The following ADAM19 variants were observed in gnomAD, a reference collection of about 807,000 sequenced individuals.
ADAM19 encodes ADAM metallopeptidase domain 19, also known as disintegrin and metalloproteinase domain-containing protein 19.
In ADAM19, 65 loss-of-function variants were observed where a neutral mutation model predicts 114.7. That is an observed-to-expected ratio of 0.57 (90% CI 0.46 to 0.70). The LOEUF (loss-of-function observed/expected upper bound fraction) is 0.70, where lower values mean the gene tolerates loss of function less well. Ranked by LOEUF, ADAM19 falls within the 30% of genes least tolerant of loss-of-function variation. The probability of loss-of-function intolerance (pLI) is 0.00; values close to 1 mark genes in which losing one functional copy is unlikely to be tolerated. For missense variants in ADAM19, 1,063 were observed against 1,204.7 expected, an observed-to-expected ratio of 0.88 and a Z score of 1.74; for synonymous variants, 466 against 460.5, an observed-to-expected ratio of 1.01 and a Z score of -0.15.
intron 14 of ADAM19, among the ~76,000 whole-genome samples, chr5:157,496,457 C>T (rs1581299418): frequency 1.3e-5 from 2 of 152,290 alleles, no homozygotes; most frequent in South Asian, 2.1e-4. Flanking sequence ...TGTTTCTTCA[C>T]ACCCTCCACA....
chr5:157,488,169 C>T, intron 21 of ADAM19, 96 bp downstream of exon 21: 1 of 1,284,586 alleles, frequency 7.8e-7, no homozygotes, highest in Non-Finnish European at 1.1e-6. Flanking sequence ...CAGCTCATGA[C>T]CCCACAAGTT....
chr5:157,530,706 A>G, intron 5 of ADAM19, 101 bp downstream of exon 5: 1 of 1,006,310 alleles, frequency 9.9e-7, no homozygotes, highest in South Asian at 1.4e-5. Context: ...CACATTCTCA[A>G]TGGACTCCTT....
rs754706085 is a variant in ADAM19, at chr5:157,575,678, C to A, written c.19G>T (p.Ala7Ser). MPGGAG[A>S]ARLCLLAFAL... ...AACGCCAGCAAGCAGAGCCGGGCGGCGCCTGCGCCCCCTGGCATGGTGGCG... is the reference window on the plus strand; with the variant it reads ...AACGCCAGCAAGCAGAGCCGGGCGGAGCCTGCGCCCCCTGGCATGGTGGCG... Residue 7 changes from alanine (A) to serine (S), a missense_variant, in exon 1 of 23, where the codon GCC becomes TCC. Physicochemically the swap from Ala to Ser is moderately conservative, Grantham distance 99. This residue lies in a region of ADAM19 where 615 missense variants were observed against 706.3 expected (regional missense o/e 0.87). Coordinates refer to ENST00000257527, the MANE Select transcript of ADAM19 (RefSeq NM_033274.5). 2.2e-6 allele frequency: 3 copies of A among 1,346,590 alleles called. No individual in the cohort carries two copies. Among genetic ancestry groups the A allele is most frequent in the South Asian group, 1.8e-5 (1 of 54,402 alleles). The allele number at this position is 1,346,590 out of a possible 1,614,324, so 83.4% of individuals were successfully genotyped here.
chr5:157,496,924 G>A lies in ADAM19; in HGVS notation c.1564C>T (p.Gln522Ter), dbSNP rs961802025. The A allele has an allele frequency of 1.3e-6, 2 of 1,594,442 alleles. No individual in the cohort carries two copies. The highest frequency in any genetic ancestry group is 8.5e-7 in the Non-Finnish European group (1 of 1,171,636). ...YCYNGMCLTY[Q>*]EQCQQLWGPG... ...CCCCACAGCTGCTGGCACTGCTCCT[G>A]GTAGGTGAGGCACATGCCGTTGTAG... Residue 522 changes from glutamine (Q) to a stop codon, truncating the protein, a stop_gained, in exon 14 of 23, where the codon CAG becomes TAG. Transcript: ENST00000257527. LOFTEE classifies it high-confidence loss of function.
Position 157,575,599 on chromosome 5 carries a change from T to G in ADAM19, c.94+4A>C. On this transcript the variant is annotated splice_donor_region_variant and intron_variant, in intron 1 of 22. Coordinates refer to ENST00000257527, the MANE Select transcript of ADAM19 (RefSeq NM_033274.5). The stretch of plus-strand genomic sequence containing the variant: ...CCTCCATCCCCCCGCGCCTGGCCAC[T>G]TACTTGTCCATCCAGGCTCCCGCGC... 1 of 1,463,096 alleles carries G rather than the reference T, an allele frequency of 6.8e-7. No individual in the cohort carries two copies. The highest frequency in any genetic ancestry group is 9.0e-7 in the Non-Finnish European group (1 of 1,113,712). 90.6% of individuals were successfully genotyped at this position (1,463,096 alleles called of 1,614,324 possible).
chr5:157,483,556 A>G (rs1425353136), intron 21 of ADAM19, among the ~76,000 whole-genome samples: 1 of 152,190 alleles, frequency 6.6e-6, no homozygotes, highest in East Asian at 1.9e-4. Context: ...TCTGTAACAG[A>G]AAAAAGGAAG....
chr5:157,505,050 C>T (rs1755696820), intron 11 of ADAM19, among the ~76,000 whole-genome samples: 1 of 146,260 alleles, frequency 6.8e-6, no homozygotes, highest in South Asian at 2.2e-4. Flanking sequence ...ACCTGGGAGG[C>T]AGAGCTTGCA....
intron 21 of ADAM19, among the ~76,000 whole-genome samples, chr5:157,482,160 T>A (rs892165143): frequency 6.6e-6 from 1 of 152,234 alleles, no homozygotes; most frequent in African/African-American, 2.4e-5. Flanking sequence ...CCAGTGAAGA[T>A]GATCTTTTTT....
intron 12 of ADAM19, among the ~76,000 whole-genome samples, chr5:157,499,965 G>A (rs1315099424): frequency 6.6e-6 from 1 of 150,800 alleles, no homozygotes; most frequent in Non-Finnish European, 1.5e-5. Context: ...TTTTAATAGC[G>A]ATTGGGTTTC....
chr5:157,546,301 T>C (rs751287841), intron 3 of ADAM19, among the ~76,000 whole-genome samples: 10 of 152,104 alleles, frequency 6.6e-5, no homozygotes, highest in Non-Finnish European at 1.3e-4. Context: ...AAGGGATGTA[T>C]ATGTGCACGC....
intron 3 of ADAM19, among the ~76,000 whole-genome samples, chr5:157,557,071 TTTGGTTGG>T (rs1757387220): frequency 6.6e-6 from 1 of 152,122 alleles, no homozygotes; most frequent in African/African-American, 2.4e-5. Context: ...TTTTTGTTTG[TTTGGTTGG>T]TTGGTTTTGG....
At chr5:157,520,473 T>C (rs181915188) in intron 5 of ADAM19, among the ~76,000 whole-genome samples, 46 of 152,272 alleles carry the variant, frequency 3.0e-4, no homozygotes, top group African/African-American at 8.7e-4. Context: ...GTCAAAACTT[T>C]AGAGACTCAG....
At chr5:157,538,051 A>G in intron 3 of ADAM19, 60 bp from the exon 4 acceptor site, 1 of 1,384,946 alleles carries the variant, frequency 7.2e-7, no homozygotes, top group Non-Finnish European at 1.0e-6. Flanking sequence ...CCTCCTAGCA[A>G]CAACGAGTGA....
At position 157,480,633 on chromosome 5, in the gene ADAM19, T is replaced by C; in HGVS notation, c.*316A>G. Reference sequence around the variant, plus strand: ...CTGAGGGGCTTGCTGGCCTTGAGCATCTCCATCAGCACCTCGGGGCTAGGA... The same window carrying C: ...CTGAGGGGCTTGCTGGCCTTGAGCACCTCCATCAGCACCTCGGGGCTAGGA... On this transcript the variant is annotated 3_prime_UTR_variant, in exon 23 of 23. Transcript: ENST00000257527. The C allele has an allele frequency of 8.5e-7, 1 of 1,171,484 alleles. No individual in the cohort carries two copies. Among genetic ancestry groups the C allele is most frequent in the Non-Finnish European group, 1.1e-6 (1 of 943,750 alleles). The allele number at this position is 1,171,484 out of a possible 1,614,324, so 72.6% of individuals were successfully genotyped here. A position where few individuals can be genotyped will look rare whatever the true frequency, so the allele number is the denominator to read the frequency against.
chr5:157,570,721 T>C, intron 2 of ADAM19, 174 bp downstream of exon 2: 1 of 560,842 alleles, frequency 1.8e-6, no homozygotes, highest in Non-Finnish European at 3.2e-6. Context: ...TCTAGAAGTT[T>C]GTCATACAAG....
intron 3 of ADAM19, among the ~76,000 whole-genome samples, chr5:157,563,838 G>T (rs899041733): frequency 1.3e-5 from 2 of 152,194 alleles, no homozygotes; most frequent in Non-Finnish European, 2.9e-5. Flanking sequence ...AGATGAATGA[G>T]GTTAAGAAGA....
At chr5:157,544,421 G>T (rs527427813) in intron 3 of ADAM19, among the ~76,000 whole-genome samples, 1 of 152,266 alleles carries the variant, frequency 6.6e-6, no homozygotes, top group Admixed American at 6.5e-5. Flanking sequence ...GCACCCTTCC[G>T]ACCAGTTTCT....
rs11466785 is a variant in ADAM19 at position 157,492,926 on chromosome 5, A to C, written c.1908+47T>G. 1,312 of 1,600,682 alleles carry C rather than the reference A, an allele frequency of 8.2e-4. 6 individuals are homozygous for C. The highest frequency in any genetic ancestry group is 1.7e-3 in the Middle Eastern group (10 of 5,784). ...TTCCCTCAGACCTCACTTCTCAATC[A>C]CTCTGCTCTGCAGCTGGCTCCTAGG... On this transcript the variant is annotated intron_variant, in intron 16 of 22. Coordinates refer to ENST00000257527, the MANE Select transcript of ADAM19 (RefSeq NM_033274.5).
chr5:157,565,708 CTCA>C (rs201776083), intron 2 of ADAM19, among the ~76,000 whole-genome samples: 4 of 143,770 alleles, frequency 2.8e-5, no homozygotes, highest in African/African-American at 1.0e-4. Context: ...GACACTCTCT[CTCA>C]AAAAAAAAAA....
Sources: allele counts gnomAD v4.1 joint callset (sites outside exome capture counted in the v4.1 genomes callset), GRCh38; gene constraint gnomAD v4.1.1; regional missense constraint gnomAD v4.1.1; transcripts MANE v1.5; gene names NCBI Gene and HGNC (gene_info 2026-07-23, HGNC 2026-07-21).